The following CPA5 variants were observed in gnomAD, a reference collection of about 807,000 sequenced individuals.
CPA5 encodes the protein carboxypeptidase A5.
CPA5 carries 38 observed loss-of-function variants against 52.2 expected under a neutral mutation model. The observed-to-expected ratio is 0.73, with a 90% CI of 0.56 to 0.95. The LOEUF (loss-of-function observed/expected upper bound fraction) is 0.95, where lower values mean the gene tolerates loss of function less well. Ranked by LOEUF, CPA5 falls within the 40% of genes least tolerant of loss-of-function variation. CPA5 has a pLI of 0.00. For synonymous variants in CPA5, 198 were observed against 213.7 expected (o/e 0.93, Z 0.64); for missense variants, 519 against 566.7 (o/e 0.92, Z 0.86).
intron 5 of CPA5, among the ~76,000 whole-genome samples, chr7:130,354,055 G>T (rs1795333023): frequency 6.6e-6 from 1 of 150,858 alleles, no homozygotes; most frequent in Non-Finnish European, 1.5e-5. Flanking sequence ...TCTAAGTACA[G>T]GCCCTGGGAC....
At chr7:130,370,888 C>T (rs748147895), downstream of CPA5, among the ~76,000 whole-genome samples, 10 of 152,222 alleles carry the variant, frequency 6.6e-5, no homozygotes, top group African/African-American at 2.2e-4. Flanking sequence ...CCCTGCCTCC[C>T]GGGAAGAATA....
At chr7:130,356,816 T>C (rs765574352) in intron 5 of CPA5, among the ~76,000 whole-genome samples, 9 of 152,162 alleles carry the variant, frequency 5.9e-5, no homozygotes, top group Non-Finnish European at 1.0e-4. Context: ...TCACCCCAAC[T>C]TCAGGCTTCC....
intron 5 of CPA5, among the ~76,000 whole-genome samples, chr7:130,353,183 C>T (rs59875249): frequency 0.17 from 25,896 of 151,606 alleles, 2,676 homozygotes; most frequent in African/African-American, 0.28. Context: ...TTTTATGCTT[C>T]CCCATAGACT....
intron 3 of CPA5, among the ~76,000 whole-genome samples, chr7:130,346,907 T>C (rs1794786179): frequency 6.6e-6 from 1 of 152,150 alleles, no homozygotes; most frequent in Admixed American, 6.5e-5. Context: ...TCGGGGAGGA[T>C]GCATTCATAG....
chr7:130,364,939 C>T (rs1554407795), intron 10 of CPA5, among the ~76,000 whole-genome samples: 1 of 152,206 alleles, frequency 6.6e-6, no homozygotes. Flanking sequence ...CCAGAACAGA[C>T]ACAGCCCTCG....
At chr7:130,358,133 C>T (rs963070438) in intron 5 of CPA5, among the ~76,000 whole-genome samples, 4 of 151,998 alleles carry the variant, frequency 2.6e-5, no homozygotes, top group African/African-American at 7.3e-5. Flanking sequence ...GATGGGACTG[C>T]GGGCATGCGT....
intron 5 of CPA5, among the ~76,000 whole-genome samples, chr7:130,354,049 A>T (rs782286014): frequency 5.0e-4 from 76 of 151,978 alleles, no homozygotes; most frequent in Non-Finnish European, 8.4e-4. Flanking sequence ...CAGCCTTCTA[A>T]GTACAGGCCC....
chr7:130,350,584 G>A (rs1300018602), intron 5 of CPA5, among the ~76,000 whole-genome samples: 3 of 152,170 alleles, frequency 2.0e-5, no homozygotes, highest in African/African-American at 7.2e-5. Context: ...GTGGTTCAGA[G>A]CACTGCTGTG....
At chr7:130,353,901 T>A (rs1218993638) in intron 5 of CPA5, among the ~76,000 whole-genome samples, 2 of 152,224 alleles carry the variant, frequency 1.3e-5, no homozygotes, top group African/African-American at 4.8e-5. Flanking sequence ...GCCCTTGCAA[T>A]GGTCATAAGG....
At chr7:130,358,071 C>T (rs1466648424) in intron 5 of CPA5, among the ~76,000 whole-genome samples, 1 of 151,944 alleles carries the variant, frequency 6.6e-6, no homozygotes, top group Non-Finnish European at 1.5e-5. Context: ...TCATAGCTCA[C>T]TCTAGCCTCC....
chr7:130,365,603 G>A (rs186047977), intron 10 of CPA5, among the ~76,000 whole-genome samples: 10 of 152,322 alleles, frequency 6.6e-5, no homozygotes, highest in Non-Finnish European at 1.2e-4. Flanking sequence ...TGAAACAGGC[G>A]GACTCAGAGG....
chr7:130,358,511 C>A (rs138193500), intron 5 of CPA5, among the ~76,000 whole-genome samples: 43 of 152,282 alleles, frequency 2.8e-4, no homozygotes, highest in African/African-American at 9.1e-4. Context: ...CAAGTGAGAT[C>A]ATGAACATAA....
intron 9 of CPA5, 137 bp from the exon 10 acceptor site, chr7:130,363,282 T>C (rs1412155321): frequency 1.7e-5 from 12 of 691,264 alleles, no homozygotes; most frequent in South Asian, 3.7e-5. Context: ...GCCAGCCCCA[T>C]CCTGTCCTGG....
downstream of CPA5, among the ~76,000 whole-genome samples, chr7:130,369,645 GTGTGCATGTGTGTGCACGTGTGTGCA>G (rs1164725686): frequency 6.6e-6 from 1 of 152,100 alleles, no homozygotes; most frequent in African/African-American, 2.4e-5. Context: ...GCGTGTGTGT[GTGTGCATGTGTGTGCACGTGTGTGCA>G]TGTGCGTGTG....
At chr7:130,354,863 G>C (rs1426402668) in intron 5 of CPA5, among the ~76,000 whole-genome samples, 15 of 152,174 alleles carry the variant, frequency 9.9e-5, no homozygotes, top group Non-Finnish European at 2.2e-4. Flanking sequence ...CCGAATGGCT[G>C]GGACTGCAGG....
At chr7:130,347,177 A>G (rs998289040) in intron 3 of CPA5, among the ~76,000 whole-genome samples, 4 of 152,178 alleles carry the variant, frequency 2.6e-5, no homozygotes, top group Middle Eastern at 3.4e-3. Flanking sequence ...GAGGGCACCA[A>G]CCCCATCCCA....
chr7:130,348,405 G>T (rs1190991712), intron 4 of CPA5, among the ~76,000 whole-genome samples: 3 of 152,198 alleles, frequency 2.0e-5, no homozygotes, highest in Non-Finnish European at 4.4e-5. Flanking sequence ...TCCTGGATGT[G>T]GTCAAAGCCC....
intron 10 of CPA5, among the ~76,000 whole-genome samples, chr7:130,364,722 A>T (rs1795980177): frequency 6.6e-6 from 1 of 152,252 alleles, no homozygotes; most frequent in Non-Finnish European, 1.5e-5. Context: ...GCATACCTGC[A>T]GAGCTGGCTG....
chr7:130,354,830 A>G (rs1554404829), intron 5 of CPA5, among the ~76,000 whole-genome samples: 1 of 152,162 alleles, frequency 6.6e-6, no homozygotes, highest in African/African-American at 2.4e-5. Context: ...CCTGGGCTCA[A>G]GAGATCCTCC....
Sources: gnomAD v4.1 joint callset for allele counts (sites outside exome capture counted in the v4.1 genomes callset) on GRCh38, gnomAD v4.1.1 for gene constraint, MANE v1.5 for transcripts, NCBI Gene and HGNC (gene_info 2026-07-23, HGNC 2026-07-21) for gene names.